RRM2B: variants seen among roughly 807,000 people sequenced by gnomAD.
The protein encoded by RRM2B is ribonucleoside-diphosphate reductase subunit M2 B.
Under a neutral mutation model 45.9 loss-of-function variants are expected in RRM2B, and 20 were observed. The ratio of observed to expected loss-of-function variants is 0.44; its 90% CI spans 0.31 to 0.63. The LOEUF (loss-of-function observed/expected upper bound fraction) is 0.63, where lower values mean the gene tolerates loss of function less well. Ranked by LOEUF, RRM2B falls within the 30% of genes least tolerant of loss-of-function variation. The probability of loss-of-function intolerance (pLI) is 0.09; values close to 1 mark genes in which losing one functional copy is unlikely to be tolerated. For synonymous variants in RRM2B, 124 were observed against 132.3 expected (o/e 0.94, Z 0.43); for missense variants, 320 against 414.7 (o/e 0.77, Z 1.98).
chr8:102,231,804 G>A (rs1302661750), intron 2 of RRM2B, among the ~76,000 whole-genome samples: 1 of 148,000 alleles, frequency 6.8e-6, no homozygotes, highest in Non-Finnish European at 1.5e-5. Flanking sequence ...GGGAGGTGGA[G>A]TTTGCAGTGA....
At chr8:102,208,360 A>C in intron 8 of RRM2B, 75 bp from the exon 9 acceptor site, 1 of 1,075,618 alleles carries the variant, frequency 9.3e-7, no homozygotes, top group Non-Finnish European at 1.4e-6. Flanking sequence ...AAGATGACCA[A>C]AACAGAGGTC....
At chr8:102,222,025 C>T (rs529889733) in intron 5 of RRM2B, among the ~76,000 whole-genome samples, 1 of 152,102 alleles carries the variant, frequency 6.6e-6, no homozygotes, top group South Asian at 2.1e-4. Flanking sequence ...TCCACAAATT[C>T]TCCAGATGAC....
rs1810535912 is a variant in RRM2B at position 102,205,841 on chromosome 8, C to T, written c.*2292G>A. 1 of 151,920 alleles carries T rather than the reference C, an allele frequency of 6.6e-6. No individual in the cohort carries two copies. Among genetic ancestry groups the T allele is most frequent in the African/African-American group, 2.4e-5 (1 of 41,388 alleles). The allele number at this position is 151,920 out of a possible 1,614,324, so 9.4% of individuals were successfully genotyped here. ...GAGGCCTGGAAAAAGAGATAGAATA[C>T]CAAATAACAAACCAGTGCATTAAAA... On this transcript the variant is annotated 3_prime_UTR_variant, in exon 9 of 9. Coordinates refer to ENST00000251810, the MANE Select transcript of RRM2B (RefSeq NM_015713.5).
At chr8:102,213,745 A>T (rs1810674917) in intron 7 of RRM2B, among the ~76,000 whole-genome samples, 1 of 148,666 alleles carries the variant, frequency 6.7e-6, no homozygotes, top group South Asian at 2.1e-4. Context: ...TAAAAATGTA[A>T]AAAAAAAAGC....
chr8:102,231,916 G>A (rs1811036770), intron 2 of RRM2B, among the ~76,000 whole-genome samples: 1 of 151,158 alleles, frequency 6.6e-6, no homozygotes, highest in Non-Finnish European at 1.5e-5. Context: ...CTAATATATT[G>A]GAAATAAAAA....
Position 102,209,959 on chromosome 8 carries a change from A to G in RRM2B, c.904-1674T>C, listed in dbSNP as rs1810607680. Among the ~76,000 whole-genome samples, 4 of 152,320 alleles carry G rather than the reference A, an allele frequency of 2.6e-5. No individual in the cohort carries two copies. In the South Asian group the frequency reaches 8.3e-4, roughly 32 times the overall value. On this transcript the variant is annotated intron_variant, in intron 8 of 8. Transcript: ENST00000251810. ...CTACAGACGCAGAATAGGCAAATCT[A>G]CAGACACAAAAATTAGATTAGTGGT...
At chr8:102,218,972 T>G (rs760630731) in intron 5 of RRM2B, 25 bp from the exon 6 acceptor site, 2 of 1,608,574 alleles carry the variant, frequency 1.2e-6, no homozygotes, top group East Asian at 4.5e-5. Context: ...ATCGTTTCAA[T>G]TTTTGAAATA....
Position 102,233,380 on chromosome 8 carries a change from T to C in RRM2B, c.49-1076A>G, listed in dbSNP as rs936058243. 5.3e-5 allele frequency among the ~76,000 whole-genome samples: 8 copies of C among 152,344 alleles called. No individual in the cohort carries two copies. In the South Asian group the frequency reaches 1.7e-3, roughly 32 times the overall value. On this transcript the variant is annotated intron_variant, in intron 1 of 8. Transcript: ENST00000251810. ...ATGGTCTTGATTTTAACTACTTGTT[T>C]AAAGGTATGGGCCTCCTCAGATACA...
rs772533716 is a variant in RRM2B, at chr8:102,232,111, T to G, written c.204+38A>C. ...TGTAAAACAAGAAGGAACACTGCAC[T>G]ATAGGATGTGAATGCTCTTGGAGGC... On this transcript the variant is annotated intron_variant, in intron 2 of 8. Transcript: ENST00000251810. 6 of 1,586,184 alleles carry G rather than the reference T, an allele frequency of 3.8e-6. No individual in the cohort carries two copies. The East Asian group carries it at 1.1e-4, about 30-fold the overall frequency.
intron 8 of RRM2B, among the ~76,000 whole-genome samples, chr8:102,212,030 T>C (rs1315720513): frequency 6.6e-6 from 1 of 152,260 alleles, no homozygotes; most frequent in Non-Finnish European, 1.5e-5. Flanking sequence ...TACCATGGTA[T>C]AGTACATAGT....
chr8:102,232,090 AAAC>A, intron 2 of RRM2B, 56 bp downstream of exon 2: 1 of 1,475,922 alleles, frequency 6.8e-7, no homozygotes, highest in Non-Finnish European at 9.5e-7. Flanking sequence ...ATATCCTGTA[AAAC>A]AAGAAGGAAC....
intron 6 of RRM2B, among the ~76,000 whole-genome samples, chr8:102,217,959 TA>T (rs1205650828): frequency 2.0e-5 from 3 of 152,108 alleles, no homozygotes; most frequent in African/African-American, 7.2e-5. Context: ...TTCCTAAATT[TA>T]AATTAGATGA....
At chr8:102,221,387 T>C (rs1439479672) in intron 5 of RRM2B, among the ~76,000 whole-genome samples, 1 of 152,202 alleles carries the variant, frequency 6.6e-6, no homozygotes, top group Non-Finnish European at 1.5e-5. Context: ...GTGAAAGAGC[T>C]GCCCTTTTCA....
At position 102,224,026 on chromosome 8, in the gene RRM2B, C is replaced by T; in HGVS notation, c.550+20G>A. The T allele has an allele frequency of 6.5e-7, 1 of 1,548,292 alleles. No individual in the cohort carries two copies. Among genetic ancestry groups the T allele is most frequent in the South Asian group, 1.1e-5 (1 of 89,754 alleles). ...ATCACCTTAGGCAAATCTGATCATA[C>T]ATAAATTAGAGCCACATACCAAAAG... On this transcript the variant is annotated intron_variant, in intron 5 of 8. Coordinates refer to ENST00000251810, the MANE Select transcript of RRM2B (RefSeq NM_015713.5).
chr8:102,212,715 T>C, intron 8 of RRM2B, 61 bp downstream of exon 8: 1 of 853,918 alleles, frequency 1.2e-6, no homozygotes. Flanking sequence ...AAATTATACT[T>C]TAGGGTCCTT....
intron 4 of RRM2B, among the ~76,000 whole-genome samples, chr8:102,224,505 A>C (rs1371668252): frequency 6.6e-6 from 1 of 152,184 alleles, no homozygotes; most frequent in African/African-American, 2.4e-5. Flanking sequence ...GACTAAACTT[A>C]ATCAGAGATA....
chr8:102,233,170 T>C (rs1205499407), intron 1 of RRM2B, among the ~76,000 whole-genome samples: 2 of 152,192 alleles, frequency 1.3e-5, no homozygotes, highest in Non-Finnish European at 2.9e-5. Flanking sequence ...AAACTGTCTC[T>C]CTCTCTACTG....
chr8:102,218,093 A>C (rs1424225849), intron 6 of RRM2B, among the ~76,000 whole-genome samples: 1 of 152,160 alleles, frequency 6.6e-6, no homozygotes, highest in Admixed American at 6.5e-5. Context: ...GGGGAACTTA[A>C]AGGAGAAAAT....
rs758845782 is a variant in RRM2B, at chr8:102,238,916, G to C, written c.-42C>G. On this transcript the variant is annotated 5_prime_UTR_variant, in exon 1 of 9. Transcript: ENST00000251810. Reference sequence around the variant, plus strand: ...AAGCTACGGGCGCTGAGGGAACTGAGCTCCTCAGGCCACCTCCAACTACGA... The same window carrying C: ...AAGCTACGGGCGCTGAGGGAACTGACCTCCTCAGGCCACCTCCAACTACGA... 4.4e-6 allele frequency: 7 copies of C among 1,598,888 alleles called. No homozygotes were observed. The highest frequency in any genetic ancestry group is 6.0e-6 in the Non-Finnish European group (7 of 1,175,022).
Sources: gnomAD v4.1 joint callset for allele counts (sites outside exome capture counted in the v4.1 genomes callset) on GRCh38, gnomAD v4.1.1 for gene constraint, MANE v1.5 for transcripts, NCBI Gene and HGNC (gene_info 2026-07-23, HGNC 2026-07-21) for gene names.